Variants in MCPH1 observed in about 807,000 individuals in gnomAD.
MCPH1 encodes microcephalin 1, also known as microcephalin.
MCPH1 carries 104 observed loss-of-function variants against 84.5 expected under a neutral mutation model. The ratio of observed to expected loss-of-function variants is 1.23; its 90% CI spans 1.05 to 1.45. The LOEUF is 1.45. Ranked by LOEUF, MCPH1 falls within the 40% of genes most tolerant of loss-of-function variation. The pLI is 0.00. For missense variants in MCPH1, 1,498 were observed against 1,005.7 expected, an observed-to-expected ratio of 1.49 and a Z score of -6.62; for synonymous variants, 514 against 366.8, an observed-to-expected ratio of 1.40 and a Z score of -4.58.
At chr8:6,449,727 C>G (rs1034661519) in intron 8 of MCPH1, among the ~76,000 whole-genome samples, 4 of 152,050 alleles carry the variant, frequency 2.6e-5, no homozygotes, top group African/African-American at 9.7e-5. Context: ...GAAGTATGTC[C>G]ACAGCCAGTT....
rs928304977 is a variant in MCPH1 at position 6,499,850 on chromosome 8, A to C, written c.2137-2A>C. 1 of 1,612,744 alleles carries C rather than the reference A, an allele frequency of 6.2e-7. No individual in the cohort carries two copies. Among genetic ancestry groups the C allele is most frequent in the Admixed American group, 1.7e-5 (1 of 60,018 alleles). On this transcript the variant is annotated splice_acceptor_variant, in intron 11 of 13. Transcript: ENST00000344683. LOFTEE classifies it high-confidence loss of function. The stretch of plus-strand genomic sequence containing the variant: ...TAAATCTGCTTGTTGTGTCACTTGC[A>C]GGTGCTATGGTCTTTAGAATTGGGT...
intron 3 of MCPH1, among the ~76,000 whole-genome samples, chr8:6,421,797 T>C (rs1340393301): frequency 6.6e-6 from 1 of 152,130 alleles, no homozygotes; most frequent in Non-Finnish European, 1.5e-5. Flanking sequence ...TGCATGATGG[T>C]CCCCTTCCCT....
chr8:6,568,906 A>G (rs2959774), intron 12 of MCPH1, among the ~76,000 whole-genome samples: 2,275 of 152,276 alleles, frequency 0.015, 71 homozygotes, highest in African/African-American at 0.051. Flanking sequence ...TTGATGTATG[A>G]GGAACTTCCA....
rs544975666 is a variant in MCPH1 at position 6,458,471 on chromosome 8, C to CA, written c.1935+3234dup. On this transcript the variant is annotated intron_variant, in intron 9 of 13. Coordinates refer to ENST00000344683, the MANE Select transcript of MCPH1 (RefSeq NM_024596.5). Reference sequence around the variant, plus strand: ...TGGGCAACAGAGTGAGACTCCTTCTCAAAAAAAAAAAAAAAGAAAAAAAAA... The same window carrying CA: ...TGGGCAACAGAGTGAGACTCCTTCTCAAAAAAAAAAAAAAAAGAAAAAAAAA... 4.6e-3 allele frequency among the ~76,000 whole-genome samples: 396 copies of CA among 86,318 alleles called. 2 individuals carry two copies. The highest frequency in any genetic ancestry group is 9.2e-3 in the African/African-American group (263 of 28,464). The allele number at this position is 86,318 out of a possible 152,430, so 56.6% of individuals were successfully genotyped here. A position where few individuals can be genotyped will look rare whatever the true frequency, so the allele number is the denominator to read the frequency against.
chr8:6,598,303 CAG>C (rs1463590946), intron 12 of MCPH1, among the ~76,000 whole-genome samples: 6 of 152,156 alleles, frequency 3.9e-5, no homozygotes, highest in African/African-American at 1.4e-4. Flanking sequence ...CCAAGCTTTT[CAG>C]AGTCTCACAG....
chr8:6,623,123 G>T (rs1831645462), intron 13 of MCPH1, among the ~76,000 whole-genome samples: 1 of 151,460 alleles, frequency 6.6e-6, no homozygotes, highest in Non-Finnish European at 1.5e-5. Flanking sequence ...AAAGTGCTGG[G>T]ATTACAGGTG....
intron 8 of MCPH1, among the ~76,000 whole-genome samples, chr8:6,450,467 G>A (rs901635558): frequency 1.3e-5 from 2 of 149,710 alleles, no homozygotes; most frequent in African/African-American, 2.5e-5. Flanking sequence ...GGTCATTTAG[G>A]GATTAAGCCT....
At chr8:6,510,092 T>C (rs1405320923) in intron 12 of MCPH1, among the ~76,000 whole-genome samples, 1 of 152,128 alleles carries the variant, frequency 6.6e-6, no homozygotes, top group East Asian at 1.9e-4. Context: ...CTTACATCGG[T>C]CATCTGTGTA....
intron 12 of MCPH1, chr8:6,563,206 G>A (rs542238362): frequency 6.7e-5 from 20 of 296,508 alleles, no homozygotes; most frequent in African/African-American, 3.9e-4. Context: ...CAGCTTTCAC[G>A]GTCCTTTGTT....
intron 2 of MCPH1, among the ~76,000 whole-genome samples, chr8:6,410,107 C>T (rs911596550): frequency 3.3e-5 from 5 of 151,844 alleles, no homozygotes; most frequent in African/African-American, 9.7e-5. Flanking sequence ...GTATCTGGGA[C>T]TACAGGCACA....
chr8:6,536,870 G>A (rs1316021262), intron 12 of MCPH1, among the ~76,000 whole-genome samples: 1 of 150,858 alleles, frequency 6.6e-6, no homozygotes, highest in Non-Finnish European at 1.5e-5. Context: ...TTTCTGTTTA[G>A]TGTCTCTCTT....
At chr8:6,527,437 T>C (rs1183555130) in intron 12 of MCPH1, 3 of 1,286,810 alleles carry the variant, frequency 2.3e-6, no homozygotes, top group African/African-American at 1.5e-5. Context: ...ATGAGGTTTC[T>C]GACCCTTACA....
intron 3 of MCPH1, among the ~76,000 whole-genome samples, chr8:6,426,046 G>A (rs951148858): frequency 1.2e-4 from 18 of 152,076 alleles, no homozygotes; most frequent in Non-Finnish European, 2.4e-4. Flanking sequence ...TAATTAAGGG[G>A]ACTTTTTAAA....
Position 6,438,924 on chromosome 8 carries a change from C to G in MCPH1, c.437-29C>G, listed in dbSNP as rs867889329. On this transcript the variant is annotated intron_variant, in intron 5 of 13. Coordinates refer to ENST00000344683, the MANE Select transcript of MCPH1 (RefSeq NM_024596.5). ...CTGAAGTATGAAGGCACTTTTTGGT[C>G]TTAAAGTGGATTTTTTGTTTATTTT... The G allele has an allele frequency of 3.7e-6, 6 of 1,606,502 alleles. No homozygotes were observed. The Middle Eastern group carries it at 9.4e-4, about 250-fold the overall frequency.
chr8:6,530,894 C>T (rs1178219535), intron 12 of MCPH1, among the ~76,000 whole-genome samples: 1 of 152,202 alleles, frequency 6.6e-6, no homozygotes, highest in Non-Finnish European at 1.5e-5. Flanking sequence ...TGGCATCTCC[C>T]CTCTCATGTC....
chr8:6,539,461 C>T (rs1343909974), intron 12 of MCPH1, among the ~76,000 whole-genome samples: 3 of 152,178 alleles, frequency 2.0e-5, no homozygotes, highest in Non-Finnish European at 4.4e-5. Flanking sequence ...TGTGACTTCT[C>T]TTAGGGAGCA....
chr8:6,622,289 G>GGAGCT (rs1831523214), intron 13 of MCPH1: 1 of 164,986 alleles, frequency 6.1e-6, no homozygotes, highest in African/African-American at 2.4e-5. Context: ...AGAGGTGGTA[G>GGAGCT]GAGCTGAGCT....
At chr8:6,606,805 T>C (rs1174052089) in intron 12 of MCPH1, among the ~76,000 whole-genome samples, 2 of 152,192 alleles carry the variant, frequency 1.3e-5, no homozygotes, top group African/African-American at 4.8e-5. Context: ...CATGCTGTTC[T>C]CGTGATAGTG....
At chr8:6,448,298 G>GT (rs1259881548) in intron 8 of MCPH1, among the ~76,000 whole-genome samples, 1 of 152,212 alleles carries the variant, frequency 6.6e-6, no homozygotes, top group Non-Finnish European at 1.5e-5. Flanking sequence ...TCAGCTGGAG[G>GT]TAACAGCAGG....
Sources: allele counts gnomAD v4.1 joint callset (sites outside exome capture counted in the v4.1 genomes callset), GRCh38; gene constraint gnomAD v4.1.1; transcripts MANE v1.5; gene names NCBI Gene and HGNC (gene_info 2026-07-23, HGNC 2026-07-21).